The following PLIN5 variants were observed in gnomAD, a reference collection of about 807,000 sequenced individuals.
The protein encoded by PLIN5 is perilipin-5.
Under a neutral mutation model 32.8 loss-of-function variants are expected in PLIN5, and 34 were observed. The observed-to-expected ratio is 1.04, with a 90% CI of 0.79 to 1.38. The LOEUF (loss-of-function observed/expected upper bound fraction) is 1.38, where lower values mean the gene tolerates loss of function less well. PLIN5 is among the 40% of genes most tolerant of loss of function. The pLI is 0.00. For synonymous variants in PLIN5, 309 were observed against 292.9 expected (o/e 1.05, Z -0.56); for missense variants, 712 against 660.5 (o/e 1.08, Z -0.85).
At position 4,525,617 on chromosome 19, in the gene PLIN5, G is replaced by A; in HGVS notation, c.720+16C>T. 2 of 1,611,020 alleles carry A rather than the reference G, an allele frequency of 1.2e-6. No individual in the cohort carries two copies. The highest frequency in any genetic ancestry group is 1.1e-5 in the South Asian group (1 of 91,066). On this transcript the variant is annotated intron_variant, in intron 6 of 7. Transcript: ENST00000381848. The surrounding 1 kb of genome is among the most constrained non-coding windows in gnomAD (Gnocchi z 5.6). ...TGGCCTGCATCCCGGAGCAGGGGCG[G>A]GCAGCGGGCTCTCACCAGCTCCAGC...
At position 4,525,767 on chromosome 19, in the gene PLIN5, C is replaced by T. The variant is rs997474093; in HGVS notation, c.586G>A (p.Gly196Ser). The change falls in exon 6 of 8, where the codon GGC becomes AGC. Residue 196 changes from glycine to serine, a missense_variant. Physicochemically the swap from Gly to Ser is moderately conservative, Grantham distance 56 (BLOSUM62 0). Transcript: ENST00000381848. This position sits in a 1 kb window ranked among gnomAD's most constrained non-coding sequence, Gnocchi z 5.6. ...AGGGAGCCGAGGCGCACAAAGTAGC[C>T]CTGCTGTCTCCTCTGATCCTCCACC... is the stretch of plus-strand genomic sequence containing the variant. ...GSVEDQRRQQ[G>S]YFVRLGSLSA... The T allele has an allele frequency of 6.2e-7, 1 of 1,613,486 alleles. No individual in the cohort carries two copies. Among genetic ancestry groups the T allele is most frequent in the African/African-American group, 1.3e-5 (1 of 75,044 alleles).
At chr19:4,534,362 A>C (rs1976922972) in intron 1 of PLIN5, 2 of 454,712 alleles carry the variant, frequency 4.4e-6, no homozygotes, top group Non-Finnish European at 7.8e-6. Context: ...AAATGCTACC[A>C]TTAATTGCGG....
intron 3 of PLIN5, 120 bp from the exon 4 acceptor site, chr19:4,529,986 C>A: frequency 1.8e-6 from 1 of 565,890 alleles, no homozygotes; most frequent in Non-Finnish European, 3.1e-6. Context: ...AGGAAGGAGA[C>A]CAGGATAAGA....
At chr19:4,531,954 C>T in intron 2 of PLIN5, 132 bp from the exon 3 acceptor site, 1 of 879,086 alleles carries the variant, frequency 1.1e-6, no homozygotes, top group Admixed American at 3.5e-5. Flanking sequence ...CACCCCGCCA[C>T]GTAGAGGCAG....
intron 3 of PLIN5, among the ~76,000 whole-genome samples, chr19:4,530,988 T>A (rs2078972015): frequency 6.9e-6 from 1 of 144,950 alleles, no homozygotes; most frequent in Non-Finnish European, 1.5e-5. Flanking sequence ...GGGGATCAGT[T>A]TTTTTTGTTT....
chr19:4,529,477 T>C (rs887255239), intron 4 of PLIN5: 33 of 568,324 alleles, frequency 5.8e-5, no homozygotes, highest in Non-Finnish European at 8.1e-5. Context: ...TACATATACA[T>C]ATATACACAT....
Position 4,523,639 on chromosome 19 carries a change from AC to A in PLIN5, c.1280del (p.Ser427MetfsTer31), listed in dbSNP as rs754551645. The A allele has an allele frequency of 8.1e-6, 13 of 1,608,456 alleles. No homozygotes were observed. In the African/African-American group the frequency reaches 1.4e-4, roughly 17 times the overall value. On this transcript the variant is annotated frameshift_variant, in exon 8 of 8. Transcript: ENST00000381848. LOFTEE classifies it low-confidence loss of function (END_TRUNC). This position sits in a 1 kb window ranked among gnomAD's most constrained non-coding sequence, Gnocchi z 5.0. The stretch of plus-strand genomic sequence containing the variant: ...CCATCCTGTCCCCATCCCCATTCCC[AC>A]TCCCGTCCCTGTGCTCTGCCTCCCA... The part of the protein sequence containing the change: ...RAWEAEHRDG[S>X]GNGDGDRMGV...
chr19:4,531,958 G>T, intron 2 of PLIN5, 136 bp from the exon 3 acceptor site: 1 of 861,342 alleles, frequency 1.2e-6, no homozygotes, highest in Non-Finnish European at 1.7e-6. Flanking sequence ...CCGCCACGTA[G>T]AGGCAGTGAA....
Position 4,523,375 on chromosome 19 carries a change from C to A in PLIN5, c.*153G>T, listed in dbSNP as rs1236483803. ...GTGTTCAAGGAAAAAATGGGAGAGTCCAATACCAAAAAGGTGGTCAGAGAT... is the reference window on the plus strand; with the variant it reads ...GTGTTCAAGGAAAAAATGGGAGAGTACAATACCAAAAAGGTGGTCAGAGAT... On this transcript the variant is annotated 3_prime_UTR_variant, in exon 8 of 8. Transcript: ENST00000381848. This position sits in a 1 kb window ranked among gnomAD's most constrained non-coding sequence, Gnocchi z 5.0. The A allele has an allele frequency of 4.6e-6, 4 of 866,366 alleles. No individual in the cohort carries two copies. Among genetic ancestry groups the A allele is most frequent in the Non-Finnish European group, 6.7e-6 (4 of 599,216 alleles). The allele number at this position is 866,366 out of a possible 1,614,324, so 53.7% of individuals were successfully genotyped here. A position where few individuals can be genotyped will look rare whatever the true frequency, so the allele number is the denominator to read the frequency against.
chr19:4,529,383 T>G (rs1295813834), intron 4 of PLIN5, 130 bp from the exon 5 acceptor site: 1 of 1,024,408 alleles, frequency 9.8e-7, no homozygotes, highest in East Asian at 2.6e-5. Context: ...GTTTCCCCTA[T>G]AAAATGGGTG....
chr19:4,526,719 A>C lies in PLIN5; in HGVS notation c.521-887T>G, dbSNP rs185691508. On this transcript the variant is annotated intron_variant, in intron 5 of 7. Transcript: ENST00000381848. ...ATACAGAAATTAGCCAGGGCTGGGC[A>C]CAGTGGCGTGTGCCTATAGTCCCAG... Among the ~76,000 whole-genome samples, 310 of 152,168 alleles carry C rather than the reference A, an allele frequency of 2.0e-3. 5 individuals carry two copies. Among genetic ancestry groups the C allele is most frequent in the South Asian group, 0.013 (64 of 4,822 alleles).
chr19:4,533,936 C>G (rs1253305591), intron 2 of PLIN5, 79 bp downstream of exon 2: 1 of 1,490,742 alleles, frequency 6.7e-7, no homozygotes, highest in Admixed American at 2.0e-5. Flanking sequence ...GGGCGGGATA[C>G]CTGGCCTGAA....
chr19:4,525,484 T>C lies in PLIN5; in HGVS notation c.720+149A>G. 1.0e-6 allele frequency: 1 copy of C among 956,752 alleles called. No homozygotes were observed. Among genetic ancestry groups the C allele is most frequent in the Non-Finnish European group, 1.5e-6 (1 of 658,092 alleles). 59.3% of individuals were successfully genotyped at this position (956,752 alleles called of 1,614,324 possible). On this transcript the variant is annotated intron_variant, in intron 6 of 7. Coordinates refer to ENST00000381848, the MANE Select transcript of PLIN5 (RefSeq NM_001013706.3). This position sits in a 1 kb window ranked among gnomAD's most constrained non-coding sequence, Gnocchi z 5.6. ...ATCCCTGGGCTCCTCCAGGCCCGGG[T>C]CCCCCAGCCCTGAACACATGCAGCT...
rs1049276214 is a variant in PLIN5, at chr19:4,531,730, C to T, written c.153G>A (p.Pro51=). The change falls in exon 3 of 8, where the codon CCG becomes CCA. Residue 51 remains proline (P), a synonymous_variant. Coordinates refer to ENST00000381848, the MANE Select transcript of PLIN5 (RefSeq NM_001013706.3). ...CCAGGCGGCAGGCGGAGCCCAGCAGCGGGTGCCTGTCCTTGGCTGCACTGT... is the reference window on the plus strand; with the variant it reads ...CCAGGCGGCAGGCGGAGCCCAGCAGTGGGTGCCTGTCCTTGGCTGCACTGT... ...DVYSAAKDRH[P]LLGSACRLAE... 1.4e-5 allele frequency: 23 copies of T among 1,595,524 alleles called. No individual in the cohort carries two copies. Among genetic ancestry groups the T allele is most frequent in the South Asian group, 3.4e-5 (3 of 88,188 alleles).
rs1310177336 is a variant in PLIN5, at chr19:4,523,907, T to A, written c.1013A>T (p.Asp338Val). 9 of 1,524,464 alleles carry A rather than the reference T, an allele frequency of 5.9e-6. No homozygotes were observed. Among genetic ancestry groups the A allele is most frequent in the East Asian group, 2.5e-5 (1 of 39,740 alleles). 94.4% of individuals were successfully genotyped at this position (1,524,464 alleles called of 1,614,324 possible). The change falls in exon 8 of 8, where the codon GAC becomes GTC. Residue 338 changes from aspartate to valine, a missense_variant. Asp to Val is a radical substitution (Grantham distance 152). Coordinates refer to ENST00000381848, the MANE Select transcript of PLIN5 (RefSeq NM_001013706.3). This position sits in a 1 kb window ranked among gnomAD's most constrained non-coding sequence, Gnocchi z 5.0. ...TAFADARCFR[D>V]VPAAALAEGR... is the part of the protein sequence containing the mutation. ...CTCGGCCAGCGCGGCCGCTGGCACG[T>A]CCCTGAAGCAGCGGGCATCAGCGAA...
chr19:4,523,600 G>A lies in PLIN5; in HGVS notation c.1320C>T (p.Asp440=). The A allele has an allele frequency of 1.2e-6, 2 of 1,607,070 alleles. No homozygotes were observed. The highest frequency in any genetic ancestry group is 1.7e-6 in the Non-Finnish European group (2 of 1,177,416). The change falls in exon 8 of 8, where the codon GAC becomes GAT. Residue 440 remains aspartate, a synonymous_variant. Transcript: ENST00000381848. The surrounding 1 kb of genome is among the most constrained non-coding windows in gnomAD (Gnocchi z 5.0). ...GDGDRMGVAG[D]ICEQEPETPS... ...GGGTCTCGGGTTCCTGCTCGCAGAT[G>A]TCCCCGGCAACACCCATCCTGTCCC...
chr19:4,530,306 C>G (rs182392576), intron 3 of PLIN5, among the ~76,000 whole-genome samples: 3 of 152,258 alleles, frequency 2.0e-5, no homozygotes, highest in Admixed American at 1.3e-4. Context: ...GACTTTTCAG[C>G]CGTGCCCAGC....
At position 4,523,861 on chromosome 19, in the gene PLIN5, G is replaced by A. The variant is rs75942973; in HGVS notation, c.1059C>T (p.His353=). Reference sequence around the variant, plus strand: ...GCAGCTCGTCCACGCAGGCGTGCGCGTGGGCCACGCGACCCCGGCCCTCGG... The same window carrying A: ...GCAGCTCGTCCACGCAGGCGTGCGCATGGGCCACGCGACCCCGGCCCTCGG... ...ALAEGRGRVA[H]AHACVDELLE... The change falls in exon 8 of 8, where the codon CAC becomes CAT. Residue 353 remains histidine, a synonymous_variant. Coordinates refer to ENST00000381848, the MANE Select transcript of PLIN5 (RefSeq NM_001013706.3). The surrounding 1 kb of genome is among the most constrained non-coding windows in gnomAD (Gnocchi z 5.0). 1.9e-4 allele frequency: 301 copies of A among 1,546,102 alleles called. 1 individual carries two copies. In the East Asian group the frequency reaches 3.7e-3, roughly 19 times the overall value.
chr19:4,529,659 T>C, intron 4 of PLIN5, 125 bp downstream of exon 4: 1 of 646,202 alleles, frequency 1.5e-6, no homozygotes. Context: ...ACGTTGCAGT[T>C]ATTTTAACCT....
Sources: gnomAD v4.1 joint callset for allele counts (sites outside exome capture counted in the v4.1 genomes callset) on GRCh38, gnomAD v4.1.1 for gene constraint, Gnocchi (gnomAD v3.1) non-coding constraint, MANE v1.5 for transcripts, NCBI Gene and HGNC (gene_info 2026-07-23, HGNC 2026-07-21) for gene names.